Variants in GABRG3 observed in about 807,000 individuals in gnomAD.
GABRG3 encodes the protein gamma-aminobutyric acid receptor subunit gamma-3.
In GABRG3, 25 loss-of-function variants were observed where a neutral mutation model predicts 48.8. That is an observed-to-expected ratio of 0.51 (90% CI 0.37 to 0.72). The LOEUF is 0.72. GABRG3 is among the 30% of genes least tolerant of loss of function. GABRG3 has a pLI of 0.00. For missense variants in GABRG3, 394 were observed against 577.9 expected (o/e 0.68, Z 3.26); for synonymous variants, 227 against 217.6 (o/e 1.04, Z -0.38).
chr15:27,036,793 T>A (rs1233658205), intron 3 of GABRG3, among the ~76,000 whole-genome samples: 2 of 152,202 alleles, frequency 1.3e-5, no homozygotes, highest in East Asian at 1.9e-4. Context: ...AATACAGCTA[T>A]GAATCTTGTT....
At chr15:27,444,659 G>C (rs1405763769) in intron 5 of GABRG3, among the ~76,000 whole-genome samples, 2 of 152,092 alleles carry the variant, frequency 1.3e-5, no homozygotes, top group Non-Finnish European at 2.9e-5. Flanking sequence ...AAATCTGCCA[G>C]CTTACTATCA....
intron 3 of GABRG3, among the ~76,000 whole-genome samples, chr15:27,186,452 G>T (rs2140419606): frequency 6.6e-6 from 1 of 152,300 alleles, no homozygotes; most frequent in African/African-American, 2.4e-5. Context: ...TTGCTATCAT[G>T]AATAGTGCTG....
chr15:26,978,483 C>T (rs11263720), intron 2 of GABRG3, among the ~76,000 whole-genome samples: 87,905 of 151,932 alleles, frequency 0.58, 26,803 homozygotes, highest in East Asian at 0.9. Flanking sequence ...TTTGTTATGT[C>T]TTGATTTTTA....
chr15:27,520,133 C>A lies in GABRG3; in HGVS notation c.865+9C>A, dbSNP rs1348086433. ...AGCAAGAACAGCATTAGGTGAGTTT[C>A]AAAAAATCTCTTCCACAAATTTGCG... is the stretch of plus-strand genomic sequence containing the variant. On this transcript the variant is annotated intron_variant, in intron 7 of 9. Transcript: ENST00000615808. 6.3e-7 allele frequency: 1 copy of A among 1,584,926 alleles called. No individual in the cohort carries two copies. Among genetic ancestry groups the A allele is most frequent in the East Asian group, 2.2e-5 (1 of 44,486 alleles).
At chr15:27,403,830 T>G (rs2140590252) in intron 5 of GABRG3, among the ~76,000 whole-genome samples, 1 of 143,162 alleles carries the variant, frequency 7.0e-6, no homozygotes, top group East Asian at 2.1e-4. Context: ...GAGAATCGCT[T>G]GAACCCAGGA....
At chr15:27,416,776 C>A (rs922417931) in intron 5 of GABRG3, among the ~76,000 whole-genome samples, 2 of 152,144 alleles carry the variant, frequency 1.3e-5, no homozygotes, top group African/African-American at 4.8e-5. Context: ...TGCCGATCAG[C>A]CTGTCCATTT....
chr15:27,388,163 G>GAGGAAGGAAGGAAAGGAGGGAGGGAGGGT (rs1896038659), intron 5 of GABRG3, among the ~76,000 whole-genome samples: 1 of 80,234 alleles, frequency 1.2e-5, no homozygotes. Flanking sequence ...AGGAAGAAAG[G>GAGGAAGGAAGGAAAGGAGGGAGGGAGGGT]AAGGAAGGAA....
chr15:27,330,123 CCAGCTACTTG>C (rs1426776405), intron 5 of GABRG3, among the ~76,000 whole-genome samples: 1 of 152,066 alleles, frequency 6.6e-6, no homozygotes, highest in Non-Finnish European at 1.5e-5. Flanking sequence ...TGCTGTAGTC[CCAGCTACTTG>C]GGAGGCTGAG....
intron 3 of GABRG3, among the ~76,000 whole-genome samples, chr15:27,090,671 T>C (rs1897169530): frequency 6.6e-6 from 1 of 152,254 alleles, no homozygotes; most frequent in African/African-American, 2.4e-5. Flanking sequence ...AAAAAAATGT[T>C]TCAACATTTG....
intron 3 of GABRG3, among the ~76,000 whole-genome samples, chr15:27,276,012 T>G (rs1349804906): frequency 6.6e-6 from 1 of 152,204 alleles, no homozygotes; most frequent in African/African-American, 2.4e-5. Context: ...ATATGCATGA[T>G]CCTGCAGGAC....
chr15:27,071,772 A>T (rs1896831247), intron 3 of GABRG3, among the ~76,000 whole-genome samples: 1 of 152,194 alleles, frequency 6.6e-6, no homozygotes, highest in African/African-American at 2.4e-5. Context: ...TTTACTCTGA[A>T]TTTGGGTTGT....
At chr15:27,007,220 C>T (rs1895603933) in intron 2 of GABRG3, among the ~76,000 whole-genome samples, 1 of 151,964 alleles carries the variant, frequency 6.6e-6, no homozygotes, top group Non-Finnish European at 1.5e-5. Flanking sequence ...GTTGGGACCA[C>T]AGGTGTGCAC....
At chr15:27,306,443 T>C (rs942590532) in intron 3 of GABRG3, among the ~76,000 whole-genome samples, 2 of 139,542 alleles carry the variant, frequency 1.4e-5, no homozygotes, top group Admixed American at 1.5e-4. Flanking sequence ...AATACGAACA[T>C]ATGTCTACAT....
chr15:27,303,761 T>C (rs974671909), intron 3 of GABRG3, among the ~76,000 whole-genome samples: 9 of 151,338 alleles, frequency 5.9e-5, no homozygotes, highest in Non-Finnish European at 1.3e-4. Flanking sequence ...TGTATATATA[T>C]ATATACACAC....
intron 3 of GABRG3, among the ~76,000 whole-genome samples, chr15:27,277,844 A>G (rs1289017667): frequency 1.3e-5 from 2 of 152,184 alleles, no homozygotes. Context: ...TTAAATTTTT[A>G]TATTATTATA....
intron 3 of GABRG3, among the ~76,000 whole-genome samples, chr15:27,292,428 T>TAAA (rs145757222): frequency 1.7e-4 from 25 of 147,200 alleles, no homozygotes; most frequent in African/African-American, 5.7e-4. Context: ...TAAAGTATGA[T>TAAA]AAAAAAAAAA....
chr15:27,294,697 G>A (rs1891919336), intron 3 of GABRG3, among the ~76,000 whole-genome samples: 1 of 152,080 alleles, frequency 6.6e-6, no homozygotes, highest in South Asian at 2.1e-4. Flanking sequence ...GGAGGGTGAG[G>A]CACAGCAGCC....
intron 5 of GABRG3, among the ~76,000 whole-genome samples, chr15:27,390,079 TTTG>T (rs1376671985): frequency 2.0e-5 from 3 of 152,260 alleles, no homozygotes; most frequent in Admixed American, 1.3e-4. Context: ...AAGTGAGATG[TTTG>T]TTATTTGTTT....
intron 5 of GABRG3, among the ~76,000 whole-genome samples, chr15:27,459,081 C>T (rs574592708): frequency 2.0e-5 from 3 of 152,366 alleles, no homozygotes; most frequent in African/African-American, 7.2e-5. Flanking sequence ...ATACTTCCCC[C>T]GTCAGCATGT....
Sources: gnomAD v4.1 joint callset for allele counts (sites outside exome capture counted in the v4.1 genomes callset) on GRCh38, gnomAD v4.1.1 for gene constraint, MANE v1.5 for transcripts, NCBI Gene and HGNC (gene_info 2026-07-23, HGNC 2026-07-21) for gene names.